The following DST variants were observed in gnomAD, a reference collection of about 807,000 sequenced individuals.
DST encodes the protein dystonin, also known as bullous pemphigoid antigen.
Under a neutral mutation model 875.2 loss-of-function variants are expected in DST, and 253 were observed. The observed-to-expected ratio is 0.29, with a 90% CI of 0.26 to 0.32. The LOEUF is 0.32. Ranked by LOEUF, DST falls within the 10% of genes least tolerant of loss-of-function variation. The probability of loss-of-function intolerance (pLI) is 1.00; values close to 1 mark genes in which losing one functional copy is unlikely to be tolerated. For synonymous variants in DST, 3,124 were observed against 3,197.1 expected, an observed-to-expected ratio of 0.98 and a Z score of 0.77; for missense variants, 8,287 against 9,111.6, an observed-to-expected ratio of 0.91 and a Z score of 3.68.
At chr6:56,764,130 C>CACACACAG (rs1346792876) in intron 4 of DST, among the ~76,000 whole-genome samples, 4 of 151,516 alleles carry the variant, frequency 2.6e-5, no homozygotes, top group African/African-American at 7.3e-5. Context: ...CACACACACA[C>CACACACAG]AGCCTCAGAT....
intron 4 of DST, among the ~76,000 whole-genome samples, chr6:56,824,243 G>A (rs1255656969): frequency 3.3e-5 from 5 of 152,172 alleles, no homozygotes; most frequent in East Asian, 1.9e-4. Context: ...GCTCCTAACC[G>A]CGAGTGATCC....
chr6:56,843,379 C>T, intron 4 of DST: 1 of 1,159,038 alleles, frequency 8.6e-7, no homozygotes, highest in Non-Finnish European at 1.1e-6. Flanking sequence ...GGCCGCCCGG[C>T]TCCGGGAGCC....
At chr6:56,472,025 G>A (rs775157384) in intron 94 of DST, 34 bp downstream of exon 94, 13 of 1,609,446 alleles carry the variant, frequency 8.1e-6, no homozygotes, top group South Asian at 7.7e-5. Context: ...GAGGGCAAAT[G>A]ACAATGTGGT....
chr6:56,694,584 A>G (rs188863487), intron 9 of DST, among the ~76,000 whole-genome samples: 1 of 152,144 alleles, frequency 6.6e-6, no homozygotes, highest in Non-Finnish European at 1.5e-5. Context: ...TCAAGAGACT[A>G]TAAATGTATA....
chr6:56,661,099 A>G (rs1252537865), intron 10 of DST, among the ~76,000 whole-genome samples: 1 of 152,054 alleles, frequency 6.6e-6, no homozygotes, highest in Admixed American at 6.5e-5. Flanking sequence ...AATAAAAGGA[A>G]AATTTAAGTA....
intron 22 of DST, chr6:56,639,035 T>C: frequency 1.7e-6 from 1 of 587,860 alleles, no homozygotes. Flanking sequence ...ATACATCTTC[T>C]CAGCCACAGA....
At chr6:56,753,962 G>A (rs3002007) in intron 4 of DST, among the ~76,000 whole-genome samples, 37,642 of 152,016 alleles carry the variant, frequency 0.25, 6,352 homozygotes, top group African/African-American at 0.48. Context: ...AAATGTCCAT[G>A]GTTCCAAAAT....
chr6:56,572,736 G>A lies in DST; in HGVS notation c.13554+11C>T, dbSNP rs753772141. The A allele has an allele frequency of 9.1e-6, 14 of 1,544,784 alleles. No individual in the cohort carries two copies. The South Asian group carries it at 1.6e-4, about 17-fold the overall frequency. ...ATCTGATTAGCCTCCTGAGTAGTAA[G>A]GGAGGCATACCTGCATATACTGAGA... On this transcript the variant is annotated intron_variant, in intron 52 of 103. Transcript: ENST00000680361.
intron 63 of DST, among the ~76,000 whole-genome samples, chr6:56,533,557 A>G (rs2096936085): frequency 6.6e-6 from 1 of 152,236 alleles, no homozygotes. Flanking sequence ...AAGTCATGAT[A>G]TAATCAAAGT....
intron 2 of DST, among the ~76,000 whole-genome samples, chr6:56,912,247 C>T (rs560339356): frequency 4.5e-4 from 69 of 152,286 alleles, no homozygotes; most frequent in South Asian, 1.0e-3. Flanking sequence ...GTCTTGGGGT[C>T]GGGCGCAGCA....
At position 56,562,178 on chromosome 6, in the gene DST, T is replaced by A; in HGVS notation, c.14028A>T (p.Glu4676Asp). 6.4e-7 allele frequency: 1 copy of A among 1,556,384 alleles called. No individual in the cohort carries two copies. The highest frequency in any genetic ancestry group is 2.4e-5 in the East Asian group (1 of 42,244). The change falls in exon 56 of 104, where the codon GAA (glutamate) becomes GAT (aspartate). Residue 4676 changes from glutamate to aspartate, a missense_variant. Coordinates refer to ENST00000680361, the MANE Select transcript of DST (RefSeq NM_001374736.1). ...VKSGGAVLNG[E>D]GTATNTEEFW... Reference sequence around the variant, plus strand: ...ATTCCTCAGTATTTGTGGCTGTTCCTTCACCATTTAATACTGCTCCACCTG... The same window carrying A: ...ATTCCTCAGTATTTGTGGCTGTTCCATCACCATTTAATACTGCTCCACCTG...
chr6:56,934,560 T>A (rs1034144345), intron 2 of DST, among the ~76,000 whole-genome samples: 8 of 106,486 alleles, frequency 7.5e-5, no homozygotes, highest in African/African-American at 2.5e-4. Flanking sequence ...ATATATTATA[T>A]TATATATATA....
chr6:56,901,036 G>C (rs1484794966), intron 2 of DST, among the ~76,000 whole-genome samples: 4 of 151,892 alleles, frequency 2.6e-5, no homozygotes, highest in Non-Finnish European at 5.9e-5. Flanking sequence ...TTACATTCCT[G>C]AGAGAGACTC....
intron 10 of DST, among the ~76,000 whole-genome samples, chr6:56,668,852 C>T (rs1239722734): frequency 4.6e-5 from 7 of 150,600 alleles, no homozygotes; most frequent in Non-Finnish European, 1.5e-5. Flanking sequence ...AGTTTTTAGA[C>T]ATTGAAATTT....
Position 56,553,497 on chromosome 6 carries a change from C to T in DST, c.15295G>A (p.Asp5099Asn). ...AAAGTTTTACTAAAGTCTTTATGATCTTTAATTAATGACTCCAAGACATCG... is the reference window on the plus strand; with the variant it reads ...AAAGTTTTACTAAAGTCTTTATGATTTTTAATTAATGACTCCAAGACATCG... ...KLDVLESLIKDHKDFSKTLTA... is the reference protein window; with the variant it reads ...KLDVLESLIKNHKDFSKTLTA... Residue 5099 changes from aspartate (D) to asparagine (N), a missense_variant, in exon 61 of 104, where the codon GAT becomes AAT. Asp to Asn is a conservative substitution (Grantham distance 23). This residue lies in a region of DST where 1,513 missense variants were observed against 1,677.8 expected (regional missense o/e 0.90). Coordinates refer to ENST00000680361, the MANE Select transcript of DST (RefSeq NM_001374736.1). 1 of 1,613,758 alleles carries T rather than the reference C, an allele frequency of 6.2e-7. No individual in the cohort carries two copies. Among genetic ancestry groups the T allele is most frequent in the Non-Finnish European group, 8.5e-7 (1 of 1,179,844 alleles).
At chr6:56,928,087 C>G (rs759835031) in intron 2 of DST, among the ~76,000 whole-genome samples, 32 of 152,164 alleles carry the variant, frequency 2.1e-4, no homozygotes, top group Non-Finnish European at 4.3e-4. Context: ...GGGGCTTATA[C>G]CTCTGAGGTG....
chr6:56,904,532 C>A (rs1411539087), intron 2 of DST, among the ~76,000 whole-genome samples: 1 of 152,160 alleles, frequency 6.6e-6, no homozygotes, highest in Non-Finnish European at 1.5e-5. Flanking sequence ...ACATTATTAT[C>A]ATTATTATTA....
rs1482655725 is a variant in DST at position 56,604,023 on chromosome 6, T to C, written c.10605A>G (p.Lys3535=). 1.3e-6 allele frequency: 2 copies of C among 1,595,794 alleles called. No homozygotes were observed. Among genetic ancestry groups the C allele is most frequent in the Non-Finnish European group, 8.6e-7 (1 of 1,169,560 alleles). Residue 3535 remains lysine, a synonymous_variant, in exon 40 of 104, where the codon AAA becomes AAG. Coordinates refer to ENST00000680361, the MANE Select transcript of DST (RefSeq NM_001374736.1). ...AATTAGGAGAATAGTAGTTTCCTTC[T>C]TTGCTTTTAATATCACCAAGAATAT... ...KPHILGDIKS[K]EGNYYSPNLE...
chr6:56,920,446 G>T (rs149969107), intron 2 of DST, among the ~76,000 whole-genome samples: 1 of 152,134 alleles, frequency 6.6e-6, no homozygotes. Flanking sequence ...TCTCTAGCTC[G>T]CTCACCATGC....
Sources: gnomAD v4.1 joint callset for allele counts (sites outside exome capture counted in the v4.1 genomes callset) on GRCh38, gnomAD v4.1.1 for gene constraint, gnomAD v4.1.1 regional missense constraint, MANE v1.5 for transcripts, NCBI Gene and HGNC (gene_info 2026-07-23, HGNC 2026-07-21) for gene names.